PDE10A: variants seen among roughly 807,000 people sequenced by gnomAD.
The protein encoded by PDE10A is phosphodiesterase 10A.
A neutral mutation model predicts 97.7 loss-of-function variants in PDE10A; 39 were observed. The observed-to-expected ratio is 0.40, with a 90% CI of 0.31 to 0.52. The LOEUF (loss-of-function observed/expected upper bound fraction) is 0.52. PDE10A is among the 20% of genes least tolerant of loss of function. PDE10A has a pLI of 0.56. For synonymous variants in PDE10A, 371 were observed against 376.8 expected, an observed-to-expected ratio of 0.98 and a Z score of 0.18; for missense variants, 731 against 1,047.8, an observed-to-expected ratio of 0.70 and a Z score of 4.17.
intron 1 of PDE10A, among the ~76,000 whole-genome samples, chr6:165,779,613 G>C (rs1258959723): frequency 6.6e-6 from 1 of 152,158 alleles, no homozygotes; most frequent in Non-Finnish European, 1.5e-5. Flanking sequence ...AATTATTTGG[G>C]GTGGTGGCTA....
chr6:165,844,206 C>T (rs556674742), intron 1 of PDE10A, among the ~76,000 whole-genome samples: 1 of 152,280 alleles, frequency 6.6e-6, no homozygotes, highest in South Asian at 2.1e-4. Context: ...TGCAGGGGGC[C>T]ATGGTTTGGG....
intron 1 of PDE10A, among the ~76,000 whole-genome samples, chr6:165,904,227 G>A (rs965083495): frequency 6.6e-6 from 1 of 152,202 alleles, no homozygotes; most frequent in Non-Finnish European, 1.5e-5. Flanking sequence ...TCTTTGAGAA[G>A]AGAGAGGGGA....
intron 1 of PDE10A, among the ~76,000 whole-genome samples, chr6:165,890,665 C>T (rs572289393): frequency 2.8e-4 from 43 of 152,254 alleles, no homozygotes; most frequent in African/African-American, 1.0e-3. Flanking sequence ...CCTGCCTTTA[C>T]CTGAGAAATC....
intron 1 of PDE10A, among the ~76,000 whole-genome samples, chr6:165,562,442 A>G (rs1784564700): frequency 6.6e-6 from 1 of 152,228 alleles, no homozygotes; most frequent in African/African-American, 2.4e-5. Context: ...TTAAACTACA[A>G]CTTAAGACAA....
chr6:165,860,590 A>G (rs2453391), intron 1 of PDE10A, among the ~76,000 whole-genome samples: 111,456 of 152,196 alleles, frequency 0.73, 41,333 homozygotes, highest in East Asian at 0.96. Flanking sequence ...GAACACTCAC[A>G]GTTTTCACTT....
intron 10 of PDE10A, among the ~76,000 whole-genome samples, chr6:165,425,383 A>C (rs1789040062): frequency 2.0e-5 from 3 of 152,180 alleles, no homozygotes; most frequent in African/African-American, 7.2e-5. Context: ...AGGTTACTTT[A>C]ACATCCAAGA....
At chr6:165,862,837 C>A (rs774662292) in intron 1 of PDE10A, among the ~76,000 whole-genome samples, 1 of 152,170 alleles carries the variant, frequency 6.6e-6, no homozygotes, top group Non-Finnish European at 1.5e-5. Context: ...CAGCACCACA[C>A]CCAGCTAATT....
chr6:165,399,437 GT>G (rs926243891), intron 13 of PDE10A, among the ~76,000 whole-genome samples: 1 of 152,024 alleles, frequency 6.6e-6, no homozygotes, highest in Non-Finnish European at 1.5e-5. Flanking sequence ...TATTATAAAG[GT>G]TTTTTTATTA....
In PDE10A at chr6:165,483,750, C is replaced by T. The variant is rs6929043; in HGVS notation, c.995-1407G>A. ...ACCGCATAGAGTCACCTAGCTATGACATTATGGAATTTTCTACCCTCTGCT... is the reference window on the plus strand; with the variant it reads ...ACCGCATAGAGTCACCTAGCTATGATATTATGGAATTTTCTACCCTCTGCT... On this transcript the variant is annotated intron_variant, in intron 2 of 21. Coordinates refer to ENST00000539869, the MANE Select transcript of PDE10A (RefSeq NM_001385079.1). Among the ~76,000 whole-genome samples the T allele has an allele frequency of 5.8e-3, 881 of 152,268 alleles. 14 individuals are homozygous for T. Among genetic ancestry groups the T allele is most frequent in the African/African-American group, 0.02 (832 of 41,554 alleles).
intron 1 of PDE10A, among the ~76,000 whole-genome samples, chr6:165,642,908 ATTT>A (rs57377717): frequency 3.6e-4 from 54 of 148,494 alleles, no homozygotes; most frequent in Admixed American, 1.2e-3. Context: ...ATGTTCTCAC[ATTT>A]TTTTTTTTAC....
chr6:165,576,291 A>C, intron 1 of PDE10A: 1 of 689,920 alleles, frequency 1.4e-6, no homozygotes, highest in Admixed American at 2.1e-5. Flanking sequence ...CAAAGTTCTC[A>C]TCAATTGATA....
At chr6:165,732,907 C>T (rs1176140807) in intron 1 of PDE10A, among the ~76,000 whole-genome samples, 2 of 152,230 alleles carry the variant, frequency 1.3e-5, no homozygotes, top group Admixed American at 6.5e-5. Flanking sequence ...AGCCAGGGCT[C>T]TCCTTCGCGT....
chr6:165,758,676 G>A (rs1033598794), intron 1 of PDE10A, among the ~76,000 whole-genome samples: 2 of 150,640 alleles, frequency 1.3e-5, no homozygotes, highest in African/African-American at 4.9e-5. Flanking sequence ...GGAGGAAGAG[G>A]AAGAAAGAAG....
chr6:165,752,433 C>G (rs766960246), intron 1 of PDE10A, among the ~76,000 whole-genome samples: 2 of 152,156 alleles, frequency 1.3e-5, no homozygotes, highest in Non-Finnish European at 2.9e-5. Flanking sequence ...ACCTGGGCTC[C>G]TGGCCTAGAC....
At chr6:165,743,768 C>A (rs1016730568) in intron 1 of PDE10A, among the ~76,000 whole-genome samples, 2 of 152,156 alleles carry the variant, frequency 1.3e-5, no homozygotes, top group East Asian at 3.9e-4. Context: ...GGAGTCAAAG[C>A]GACATGTTCC....
chr6:165,505,363 A>G (rs1781130778), intron 2 of PDE10A, among the ~76,000 whole-genome samples: 1 of 152,230 alleles, frequency 6.6e-6, no homozygotes, highest in African/African-American at 2.4e-5. Flanking sequence ...AGTTAAATCA[A>G]TAAATATATA....
chr6:165,825,890 C>T (rs1779728334), intron 1 of PDE10A, among the ~76,000 whole-genome samples: 1 of 152,188 alleles, frequency 6.6e-6, no homozygotes, highest in African/African-American at 2.4e-5. Context: ...TTATGAGGAC[C>T]TTCCATACAA....
chr6:165,458,048 C>T (rs1778065127), intron 3 of PDE10A, among the ~76,000 whole-genome samples: 1 of 152,114 alleles, frequency 6.6e-6, no homozygotes, highest in Non-Finnish European at 1.5e-5. Context: ...AAATATTTAA[C>T]AGCATAAAAA....
intron 1 of PDE10A, among the ~76,000 whole-genome samples, chr6:165,577,781 T>A (rs1317498121): frequency 6.6e-6 from 1 of 152,156 alleles, no homozygotes; most frequent in Admixed American, 6.5e-5. Context: ...TCTGATGACA[T>A]CATGCCCACC....
Sources: gnomAD v4.1 joint callset for allele counts (sites outside exome capture counted in the v4.1 genomes callset) on GRCh38, gnomAD v4.1.1 for gene constraint, MANE v1.5 for transcripts, NCBI Gene and HGNC (gene_info 2026-07-23, HGNC 2026-07-21) for gene names.